Variants in FAAH observed in about 807,000 individuals in gnomAD.
FAAH encodes fatty acid amide hydrolase, also known as fatty-acid amide hydrolase 1.
Under a neutral mutation model 69.7 loss-of-function variants are expected in FAAH, and 63 were observed. That is an observed-to-expected ratio of 0.90 (90% CI 0.74 to 1.12). The LOEUF is 1.12. Ranked by LOEUF, FAAH falls within the 50% of genes most tolerant of loss-of-function variation. The pLI is 0.00. For synonymous variants in FAAH, 305 were observed against 324.2 expected (o/e 0.94, Z 0.64); for missense variants, 680 against 755.0 (o/e 0.90, Z 1.16).
chr1:46,395,329 A>G (rs1268586338), intron 1 of FAAH, among the ~76,000 whole-genome samples: 1 of 152,210 alleles, frequency 6.6e-6, no homozygotes, highest in Admixed American at 6.5e-5. Context: ...GCCAGGCTAG[A>G]AGGGAAGTCT....
At chr1:46,406,571 TTTTC>T (rs1433155722) in intron 7 of FAAH, among the ~76,000 whole-genome samples, 7 of 148,002 alleles carry the variant, frequency 4.7e-5, no homozygotes, top group Admixed American at 2.0e-4. Context: ...TTTTTTTTCC[TTTTC>T]TTTCTTTCTT....
At chr1:46,406,579 C>CT (rs1664800319) in intron 7 of FAAH, among the ~76,000 whole-genome samples, 1 of 134,620 alleles carries the variant, frequency 7.4e-6, no homozygotes, top group African/African-American at 2.7e-5. Context: ...CCTTTTCTTT[C>CT]TTTCTTTTTT....
chr1:46,397,521 A>G (rs1372803887), intron 1 of FAAH, among the ~76,000 whole-genome samples: 1 of 151,724 alleles, frequency 6.6e-6, no homozygotes, highest in African/African-American at 2.4e-5. Flanking sequence ...ATAGCTTTGT[A>G]GGCTTTGCGG....
At chr1:46,406,496 T>C in intron 7 of FAAH, 128 bp downstream of exon 7, 1 of 1,329,166 alleles carries the variant, frequency 7.5e-7, no homozygotes, top group Non-Finnish European at 1.1e-6. Flanking sequence ...CCAGGGCGGG[T>C]TGCTCCTCCA....
At position 46,410,495 on chromosome 1, in the gene FAAH, C is replaced by T; in HGVS notation, c.1273C>T (p.Leu425=). The part of the protein sequence containing the change: ...KGLLAFLVKP[L]LPRLSAFLSN... ...ACTGCTGGCCTTCCTGGTGAAGCCT[C>T]TGGTGAGGGCACAAGGAGTGGAGGG... The change falls in exon 10 of 15, where the codon CTG becomes TTG. Residue 425 remains leucine (L), a splice_region_variant and synonymous_variant. Transcript: ENST00000243167. The surrounding 1 kb of genome is among the most constrained non-coding windows in gnomAD (Gnocchi z 4.9). 2 of 1,613,866 alleles carry T rather than the reference C, an allele frequency of 1.2e-6. No individual in the cohort carries two copies. The highest frequency in any genetic ancestry group is 8.5e-7 in the Non-Finnish European group (1 of 1,179,798).
chr1:46,402,587 A>G (rs1664723175), intron 2 of FAAH, among the ~76,000 whole-genome samples: 1 of 152,002 alleles, frequency 6.6e-6, no homozygotes, highest in African/African-American at 2.4e-5. Flanking sequence ...ATCTTGGCGC[A>G]CTGCAACCTC....
chr1:46,400,131 G>C (rs900954238), intron 1 of FAAH, among the ~76,000 whole-genome samples: 1 of 151,716 alleles, frequency 6.6e-6, no homozygotes, highest in African/African-American at 2.4e-5. Flanking sequence ...AGGACATCAG[G>C]GGGCAGAGGC....
chr1:46,403,479 C>T (rs529235036), intron 2 of FAAH, among the ~76,000 whole-genome samples: 5 of 152,354 alleles, frequency 3.3e-5, no homozygotes, highest in African/African-American at 9.6e-5. Context: ...CCGCCATGCC[C>T]AAGCACCAGC....
At position 46,405,367 on chromosome 1, in the gene FAAH, C is replaced by T. The variant is rs200731801; in HGVS notation, c.445-5C>T. 1,545 of 1,609,724 alleles carry T rather than the reference C, an allele frequency of 9.6e-4. 13 individuals are homozygous for T. The South Asian group carries it at 0.011, about 11-fold the overall frequency. ...CTCCCTTCTGGTGCCCATCCCTCCT[C>T]CCAGGGCCAGGACTCCACGCTGGGC... On this transcript the variant is annotated splice_region_variant and splice_polypyrimidine_tract_variant and intron_variant, in intron 3 of 14. Transcript: ENST00000243167. This position sits in a 1 kb window ranked among gnomAD's most constrained non-coding sequence, Gnocchi z 4.1.
chr1:46,411,784 C>G lies in FAAH; in HGVS notation c.1356+133C>G. 1.0e-6 allele frequency: 1 copy of G among 967,460 alleles called. No individual in the cohort carries two copies. The highest frequency in any genetic ancestry group is 1.6e-6 in the Non-Finnish European group (1 of 628,380). The allele number at this position is 967,460 out of a possible 1,614,324, so 59.9% of individuals were successfully genotyped here. A position where few individuals can be genotyped will look rare whatever the true frequency, so the allele number is the denominator to read the frequency against. On this transcript the variant is annotated intron_variant, in intron 12 of 14. Coordinates refer to ENST00000243167, the MANE Select transcript of FAAH (RefSeq NM_001441.3). This position sits in a 1 kb window ranked among gnomAD's most constrained non-coding sequence, Gnocchi z 4.8. Reference sequence around the variant, plus strand: ...ACTGGCCTGTCATCCCCCTTCCACTCCCTGGACCACCACTTGGGCCCAGCT... The same window carrying G: ...ACTGGCCTGTCATCCCCCTTCCACTGCCTGGACCACCACTTGGGCCCAGCT...
chr1:46,398,240 G>A (rs923613281), intron 1 of FAAH, among the ~76,000 whole-genome samples: 1 of 152,170 alleles, frequency 6.6e-6, no homozygotes, highest in African/African-American at 2.4e-5. Flanking sequence ...CGGCCAGGAC[G>A]TGGGAGTTTT....
intron 7 of FAAH, among the ~76,000 whole-genome samples, chr1:46,407,138 C>G (rs998109262): frequency 6.6e-6 from 1 of 151,932 alleles, no homozygotes; most frequent in African/African-American, 2.4e-5. Context: ...GTGCTGCTCC[C>G]CAAAATACCA....
intron 1 of FAAH, among the ~76,000 whole-genome samples, chr1:46,397,779 C>T (rs1250254280): frequency 2.0e-5 from 3 of 151,304 alleles, no homozygotes; most frequent in Non-Finnish European, 4.4e-5. Context: ...CCATGGCTGG[C>T]CTCGACCTCC....
rs896620298 is a variant in FAAH, at chr1:46,410,898, G to C, written c.1316+44G>C. 1 of 1,612,618 alleles carries C rather than the reference G, an allele frequency of 6.2e-7. No individual in the cohort carries two copies. The highest frequency in any genetic ancestry group is 1.1e-5 in the South Asian group (1 of 91,042). On this transcript the variant is annotated intron_variant, in intron 11 of 14. Transcript: ENST00000243167. The surrounding 1 kb of genome is among the most constrained non-coding windows in gnomAD (Gnocchi z 4.9). ...CTAGCTGCCGGCCCCTGCCTGTCCT[G>C]ATCCGAGTCTGGGTCTGGGTAGTTT...
intron 2 of FAAH, among the ~76,000 whole-genome samples, chr1:46,403,114 G>A (rs151252697): frequency 1.6e-3 from 239 of 151,578 alleles, no homozygotes; most frequent in Non-Finnish European, 2.8e-3. Flanking sequence ...GATTACAGGC[G>A]TGAGCCACCA....
rs1366350406 is a variant in FAAH at position 46,405,392 on chromosome 1, C to A, written c.465C>A (p.Gly155=). The part of the protein sequence containing the change: ...FTYKGQDSTL[G]LSLNEGVPAE... The stretch of plus-strand genomic sequence containing the variant: ...CCCAGGGCCAGGACTCCACGCTGGG[C>A]TTGAGCCTGAATGAAGGGGTGCCGG... Residue 155 remains glycine (G), a synonymous_variant, in exon 4 of 15, where the codon GGC becomes GGA. Transcript: ENST00000243167. This position sits in a 1 kb window ranked among gnomAD's most constrained non-coding sequence, Gnocchi z 4.1. The A allele has an allele frequency of 6.2e-7, 1 of 1,612,064 alleles. No homozygotes were observed. Among genetic ancestry groups the A allele is most frequent in the East Asian group, 2.2e-5 (1 of 44,886 alleles).
chr1:46,413,668 C>T lies in FAAH; in HGVS notation c.*93C>T. On this transcript the variant is annotated 3_prime_UTR_variant, in exon 15 of 15. Coordinates refer to ENST00000243167, the MANE Select transcript of FAAH (RefSeq NM_001441.3). Reference sequence around the variant, plus strand: ...CCTGCTGCCACAGCAAGGAAATGTCCTGCATGGGGCAGAGGCTTCCGTGTC... The same window carrying T: ...CCTGCTGCCACAGCAAGGAAATGTCTTGCATGGGGCAGAGGCTTCCGTGTC... 1 of 1,582,394 alleles carries T rather than the reference C, an allele frequency of 6.3e-7. No individual in the cohort carries two copies. The highest frequency in any genetic ancestry group is 8.6e-7 in the Non-Finnish European group (1 of 1,156,460).
rs766084999 is a variant in FAAH at position 46,405,525 on chromosome 1, C to T, written c.578+20C>T. The T allele has an allele frequency of 2.1e-4, 45 of 216,662 alleles. No individual in the cohort carries two copies. The East Asian group carries it at 3.3e-3, about 16-fold the overall frequency. 13.4% of individuals were successfully genotyped at this position (216,662 alleles called of 1,614,324 possible). On this transcript the variant is annotated intron_variant, in intron 4 of 14. Coordinates refer to ENST00000243167, the MANE Select transcript of FAAH (RefSeq NM_001441.3). This position sits in a 1 kb window ranked among gnomAD's most constrained non-coding sequence, Gnocchi z 4.1. ...GTTCAGGTTGGGTCTTGGGGTGGGG[C>T]GGGGCGGGGCAGGGGCACCGGTCCC...
In FAAH at chr1:46,404,387, T is replaced by G. The variant is rs1455109032; in HGVS notation, c.310-627T>G. Among the ~76,000 whole-genome samples the G allele has an allele frequency of 6.6e-6, 1 of 152,174 alleles. No homozygotes were observed. On this transcript the variant is annotated intron_variant, in intron 2 of 14. Coordinates refer to ENST00000243167, the MANE Select transcript of FAAH (RefSeq NM_001441.3). This position sits in a 1 kb window ranked among gnomAD's most constrained non-coding sequence, Gnocchi z 4.5. ...TCACCTTTCCTTCTGTAGGACCCTG[T>G]GTGGTGAGGTTTGAGCATTCTAGGC...
Sources: gnomAD v4.1 joint callset for allele counts (sites outside exome capture counted in the v4.1 genomes callset) on GRCh38, gnomAD v4.1.1 for gene constraint, Gnocchi (gnomAD v3.1) non-coding constraint, MANE v1.5 for transcripts, NCBI Gene and HGNC (gene_info 2026-07-23, HGNC 2026-07-21) for gene names.